CNBD1: variants seen among roughly 807,000 people sequenced by gnomAD.
CNBD1 encodes the protein cyclic nucleotide binding domain containing 1.
CNBD1 carries 71 observed loss-of-function variants against 54.4 expected under a neutral mutation model. The observed-to-expected ratio is 1.30, with a 90% CI of 1.08 to 1.59. The LOEUF is 1.59. Among genes scored for constraint, CNBD1 ranks in the 40% most tolerant of loss-of-function variants. The pLI, the probability that CNBD1 is intolerant of heterozygous loss-of-function variation, is 0.00. For synonymous variants in CNBD1, 182 were observed against 170.7 expected, an observed-to-expected ratio of 1.07 and a Z score of -0.51; for missense variants, 659 against 518.0, an observed-to-expected ratio of 1.27 and a Z score of -2.64.
intron 4 of CNBD1, among the ~76,000 whole-genome samples, chr8:86,945,503 G>T (rs1807444864): frequency 6.6e-6 from 1 of 152,078 alleles, no homozygotes; most frequent in South Asian, 2.1e-4. Flanking sequence ...ACATAAGATG[G>T]GGAATTGCAG....
At chr8:86,918,102 A>C (rs1809215783) in intron 3 of CNBD1, among the ~76,000 whole-genome samples, 1 of 152,206 alleles carries the variant, frequency 6.6e-6, no homozygotes, top group Non-Finnish European at 1.5e-5. Flanking sequence ...AGGGGAATAG[A>C]GTAAAATGCC....
intron 4 of CNBD1, among the ~76,000 whole-genome samples, chr8:87,205,703 GAGTTTTCTATTTAAAAAGA>G (rs542100376): frequency 4.0e-3 from 602 of 152,084 alleles, no homozygotes; most frequent in African/African-American, 0.014. Flanking sequence ...TAGGAGTACT[GAGTTTTCTATTTAAAAAGA>G]AGTTTTCTAT....
rs576185819 is a variant in CNBD1, at chr8:87,342,930, G to A, written c.1043-8755G>A. 3.3e-5 allele frequency among the ~76,000 whole-genome samples: 5 copies of A among 152,216 alleles called. No individual in the cohort carries two copies. The East Asian group carries it at 9.7e-4, about 29-fold the overall frequency. On this transcript the variant is annotated intron_variant, in intron 8 of 10. Coordinates refer to ENST00000518476, the MANE Select transcript of CNBD1 (RefSeq NM_173538.3). ...GGTCTGACTAGAATTCACCAGGCTG[G>A]AATTTCCCAATCCTAGCAAGCCTGA...
chr8:87,158,933 G>A (rs1006915405), intron 4 of CNBD1, among the ~76,000 whole-genome samples: 1 of 151,926 alleles, frequency 6.6e-6, no homozygotes, highest in African/African-American at 2.4e-5. Flanking sequence ...GCAATTTAAT[G>A]GTCTTCCAGT....
chr8:87,358,266 A>G (rs1349879414), intron 10 of CNBD1, among the ~76,000 whole-genome samples: 1 of 152,206 alleles, frequency 6.6e-6, no homozygotes, highest in Non-Finnish European at 1.5e-5. Context: ...CAAAATGAAA[A>G]AAATTAATTC....
intron 8 of CNBD1, among the ~76,000 whole-genome samples, chr8:87,297,704 T>G (rs6982897): frequency 0.088 from 7,399 of 84,288 alleles, 217 homozygotes; most frequent in Non-Finnish European, 0.13. Context: ...GAATGTGGGG[T>G]GTGTGTGTGT....
intron 4 of CNBD1, among the ~76,000 whole-genome samples, chr8:86,979,738 T>C (rs1808432596): frequency 6.6e-6 from 1 of 152,114 alleles, no homozygotes; most frequent in South Asian, 2.1e-4. Flanking sequence ...ATATAAGAAG[T>C]CCCATAAGGT....
intron 5 of CNBD1, among the ~76,000 whole-genome samples, chr8:87,225,593 C>T (rs1288452981): frequency 1.3e-5 from 2 of 152,090 alleles, no homozygotes; most frequent in Non-Finnish European, 2.9e-5. Flanking sequence ...ATGAAGCCCA[C>T]TTGATCATGG....
At chr8:87,268,159 G>A (rs1290799887) in intron 6 of CNBD1, among the ~76,000 whole-genome samples, 1 of 152,062 alleles carries the variant, frequency 6.6e-6, no homozygotes, top group Admixed American at 6.6e-5. Context: ...TTGTGTCCAT[G>A]TGTATTCAAT....
chr8:87,424,475 G>A (rs932507490), intron 2 of CNBD1, among the ~76,000 whole-genome samples: 2 of 152,168 alleles, frequency 1.3e-5, no homozygotes, highest in Admixed American at 6.5e-5. Context: ...GGTATGTTGT[G>A]TCTTTGTTCT....
chr8:87,245,147 T>C (rs1807778785), intron 6 of CNBD1, among the ~76,000 whole-genome samples: 1 of 152,064 alleles, frequency 6.6e-6, no homozygotes, highest in African/African-American at 2.4e-5. Context: ...TTCTTAATCA[T>C]CACAACATGT....
downstream of CNBD1, among the ~76,000 whole-genome samples, chr8:87,385,576 G>T (rs566092351): frequency 1.2e-4 from 18 of 152,162 alleles, no homozygotes; most frequent in East Asian, 2.7e-3. Flanking sequence ...GGGGAGGGGC[G>T]CCCACCGTTG....
At chr8:87,095,647 T>G (rs1333089241) in intron 4 of CNBD1, among the ~76,000 whole-genome samples, 3 of 152,154 alleles carry the variant, frequency 2.0e-5, no homozygotes, top group Non-Finnish European at 4.4e-5. Flanking sequence ...AATGACCATA[T>G]ATATATATCT....
At chr8:87,360,898 G>T (rs75408558) in intron 10 of CNBD1, among the ~76,000 whole-genome samples, 2,837 of 151,888 alleles carry the variant, frequency 0.019, 87 homozygotes, top group African/African-American at 0.062. Context: ...GGAGGTCAGA[G>T]TTTTTACTGC....
At chr8:87,358,335 T>C (rs993260835) in intron 10 of CNBD1, among the ~76,000 whole-genome samples, 31 of 152,220 alleles carry the variant, frequency 2.0e-4, no homozygotes, top group Non-Finnish European at 4.0e-4. Flanking sequence ...TTAATTTTAT[T>C]TTCTTCTGTG....
intron 4 of CNBD1, among the ~76,000 whole-genome samples, chr8:87,099,770 C>G (rs1811392367): frequency 6.6e-6 from 1 of 152,128 alleles, no homozygotes; most frequent in African/African-American, 2.4e-5. Flanking sequence ...ACATAATCAT[C>G]TTTGAGATGT....
At chr8:87,317,293 CT>C (rs148624128) in intron 8 of CNBD1, among the ~76,000 whole-genome samples, 29 of 150,328 alleles carry the variant, frequency 1.9e-4, no homozygotes, top group Non-Finnish European at 2.5e-4. Context: ...TGATTTGAGA[CT>C]TTTTTTTTAT....
intron 1 of CNBD1, among the ~76,000 whole-genome samples, chr8:86,886,090 G>A (rs1808676950): frequency 6.6e-6 from 1 of 151,966 alleles, no homozygotes; most frequent in Admixed American, 6.6e-5. Context: ...CCAAATCTCT[G>A]TGGCACCATC....
chr8:87,421,471 T>C lies in CNBD1; in HGVS notation c.214-7075T>C, dbSNP rs868504732. On this transcript the variant is annotated intron_variant, in intron 2 of 7. Coordinates refer to the CNBD1 transcript ENST00000521593. ...CCCCAGAGTGTGATGTTCCCCTTCC[T>C]GTGTCCATGTGATCTCATTGTTCAA... Among the ~76,000 whole-genome samples, 189 of 130,458 alleles carry C rather than the reference T, an allele frequency of 1.4e-3. 1 individual carries two copies. The highest frequency in any genetic ancestry group is 4.9e-3 in the African/African-American group (170 of 34,490). The allele number at this position is 130,458 out of a possible 152,430, so 85.6% of individuals were successfully genotyped here. A position where few individuals can be genotyped will look rare whatever the true frequency, so the allele number is the denominator to read the frequency against.
Sources: allele counts gnomAD v4.1 joint callset (sites outside exome capture counted in the v4.1 genomes callset), GRCh38; gene constraint gnomAD v4.1.1; transcripts MANE v1.5; gene names NCBI Gene and HGNC (gene_info 2026-07-23, HGNC 2026-07-21).